Variants in SUGCT observed in about 807,000 individuals in gnomAD.
SUGCT encodes the protein succinyl-CoA:glutarate-CoA transferase, also known as succinyl-CoA:glutarate CoA-transferase.
A neutral mutation model predicts 55.0 loss-of-function variants in SUGCT; 41 were observed. The observed-to-expected ratio is 0.74, with a 90% CI of 0.58 to 0.97. The LOEUF is 0.97. Ranked by LOEUF, SUGCT falls within the 50% of genes least tolerant of loss-of-function variation. SUGCT has a pLI of 0.00. For missense variants in SUGCT, 568 were observed against 547.8 expected, an observed-to-expected ratio of 1.04 and a Z score of -0.37; for synonymous variants, 187 against 200.4, an observed-to-expected ratio of 0.93 and a Z score of 0.56.
chr7:40,737,392 A>G (rs1787218164), intron 12 of SUGCT, among the ~76,000 whole-genome samples: 1 of 152,246 alleles, frequency 6.6e-6, no homozygotes, highest in Non-Finnish European at 1.5e-5. Context: ...ACTGTTAGAA[A>G]GTAATAGTGG....
At chr7:40,352,547 G>A (rs139865263) in intron 9 of SUGCT, among the ~76,000 whole-genome samples, 58 of 152,238 alleles carry the variant, frequency 3.8e-4, no homozygotes, top group African/African-American at 1.3e-3. Context: ...CCACATGTAA[G>A]TAAGAACATG....
intron 13 of SUGCT, among the ~76,000 whole-genome samples, chr7:40,846,176 G>A (rs1793545971): frequency 6.6e-6 from 1 of 152,150 alleles, no homozygotes; most frequent in Non-Finnish European, 1.5e-5. Context: ...AACCAATTTT[G>A]TTTTCCATGG....
At chr7:40,621,314 T>C (rs563311152) in intron 12 of SUGCT, among the ~76,000 whole-genome samples, 5 of 152,168 alleles carry the variant, frequency 3.3e-5, no homozygotes, top group Admixed American at 1.3e-4. Context: ...CTTATGTGTG[T>C]TATTTTGGTT....
chr7:40,912,339 C>T, the SUGCT span, among the ~76,000 whole-genome samples: 7 of 152,192 alleles, frequency 4.6e-5, no homozygotes, highest in African/African-American at 1.4e-4. Context: ...GTTGTTGTAT[C>T]TTGCTTGTAT....
intron 1 of SUGCT, among the ~76,000 whole-genome samples, chr7:40,158,799 TTA>T (rs1181690785): frequency 2.6e-5 from 4 of 152,182 alleles, no homozygotes; most frequent in Non-Finnish European, 5.9e-5. Context: ...AATAAAATTT[TTA>T]TGTCCCTAGC....
chr7:40,713,110 G>A (rs1476521643), intron 12 of SUGCT, among the ~76,000 whole-genome samples: 3 of 152,154 alleles, frequency 2.0e-5, no homozygotes, highest in Non-Finnish European at 4.4e-5. Context: ...TTCCTCACTT[G>A]TCCTGCACCC....
chr7:40,610,203 C>G (rs1028484277), intron 12 of SUGCT, among the ~76,000 whole-genome samples: 4 of 152,142 alleles, frequency 2.6e-5, no homozygotes, highest in Non-Finnish European at 5.9e-5. Flanking sequence ...TGAAGGAAAA[C>G]CTTCATGTAG....
chr7:40,922,438 C>T, the SUGCT span, among the ~76,000 whole-genome samples: 1 of 152,134 alleles, frequency 6.6e-6, no homozygotes, highest in East Asian at 1.9e-4. Context: ...TGCAGTCTGC[C>T]TCATATTCAC....
chr7:40,546,123 G>T (rs1162744330), intron 12 of SUGCT, among the ~76,000 whole-genome samples: 3 of 152,112 alleles, frequency 2.0e-5, no homozygotes, highest in African/African-American at 7.2e-5. Flanking sequence ...TCCTGCCCTA[G>T]CTCAGACTTA....
intron 1 of SUGCT, among the ~76,000 whole-genome samples, chr7:40,146,602 T>G (rs1278174715): frequency 6.6e-6 from 1 of 152,270 alleles, no homozygotes; most frequent in Non-Finnish European, 1.5e-5. Context: ...AGCATGAACA[T>G]GTCCTTAAGG....
chr7:40,893,669 T>C, the SUGCT span, among the ~76,000 whole-genome samples: 2 of 152,160 alleles, frequency 1.3e-5, no homozygotes, highest in Non-Finnish European at 2.9e-5. Context: ...AAAAACCTGT[T>C]TTGAAATTCA....
chr7:40,881,030 A>T, the SUGCT span, among the ~76,000 whole-genome samples: 2 of 152,210 alleles, frequency 1.3e-5, no homozygotes, highest in African/African-American at 4.8e-5. Context: ...TAAAACTGGG[A>T]TTAGAAAACA....
intron 12 of SUGCT, among the ~76,000 whole-genome samples, chr7:40,557,771 T>TAAAAAAAAAAAAAAAGAA (rs1795629979): frequency 8.6e-6 from 1 of 115,786 alleles, no homozygotes; most frequent in Non-Finnish European, 1.9e-5. Context: ...AGACTCTGTC[T>TAAAAAAAAAAAAAAAGAA]AAAAAAAAAA....
intron 13 of SUGCT, among the ~76,000 whole-genome samples, chr7:40,854,474 TTC>T (rs754032485): frequency 1.3e-3 from 176 of 135,292 alleles, no homozygotes; most frequent in African/African-American, 4.3e-3. Flanking sequence ...CTTTCTTTCT[TTC>T]TCTTTCTCTC....
At chr7:40,260,977 C>A (rs1400245536) in intron 7 of SUGCT, among the ~76,000 whole-genome samples, 1 of 151,644 alleles carries the variant, frequency 6.6e-6, no homozygotes, top group Admixed American at 6.6e-5. Flanking sequence ...CCCACCCCCA[C>A]TTTTTTTTTC....
intron 9 of SUGCT, among the ~76,000 whole-genome samples, chr7:40,398,730 C>T (rs188642936): frequency 2.6e-5 from 4 of 151,926 alleles, no homozygotes; most frequent in African/African-American, 9.7e-5. Context: ...GGTAAAATAA[C>T]CACAGAGTAA....
the SUGCT span, among the ~76,000 whole-genome samples, chr7:40,982,422 C>T: frequency 6.6e-6 from 1 of 152,150 alleles, no homozygotes; most frequent in Non-Finnish European, 1.5e-5. Context: ...TTACTCACTA[C>T]TTTGTGTAAA....
At chr7:40,936,897 T>G in the SUGCT span, among the ~76,000 whole-genome samples, 1 of 152,176 alleles carries the variant, frequency 6.6e-6, no homozygotes. Context: ...TCCACATATA[T>G]AAAAATTTCA....
chr7:40,469,731 T>TC (rs1790308416), intron 11 of SUGCT, among the ~76,000 whole-genome samples: 1 of 151,314 alleles, frequency 6.6e-6, no homozygotes, highest in African/African-American at 2.4e-5. Flanking sequence ...GTTTTTTTTT[T>TC]CCAAGAGGGC....
Sources: gnomAD v4.1 joint callset for allele counts (sites outside exome capture counted in the v4.1 genomes callset) on GRCh38, gnomAD v4.1.1 for gene constraint, MANE v1.5 for transcripts, NCBI Gene and HGNC (gene_info 2026-07-23, HGNC 2026-07-21) for gene names.